TKT: variants seen among roughly 807,000 people sequenced by gnomAD.
TKT encodes the protein epididymis luminal protein 107.
In TKT, 47 loss-of-function variants were observed where a neutral mutation model predicts 63.9. The observed-to-expected ratio is 0.74, with a 90% confidence interval of 0.58 to 0.94. The LOEUF is 0.94. Ranked by LOEUF, TKT falls within the 40% of genes least tolerant of loss-of-function variation. The pLI is 0.00. For missense variants in TKT, 721 were observed against 846.2 expected (o/e 0.85, Z 1.84); for synonymous variants, 338 against 334.1 (o/e 1.01, Z -0.13).
chr3:53,231,142 T>C (rs1265394343), intron 7 of TKT, among the ~76,000 whole-genome samples: 3 of 152,212 alleles, frequency 2.0e-5, no homozygotes, highest in African/African-American at 7.2e-5. Context: ...GCTTGCTAAG[T>C]GGGCAATTCC....
chr3:53,248,579 T>C (rs2106724448), intron 1 of TKT, among the ~76,000 whole-genome samples: 1 of 152,234 alleles, frequency 6.6e-6, no homozygotes, highest in Non-Finnish European at 1.5e-5. Context: ...CAGTGTGCCA[T>C]GACTGTGCCA....
Position 53,230,591 on chromosome 3 carries a change from G to A in TKT, c.973C>T (p.Leu325=). The part of the protein sequence containing the change: ...IATRKAYGQA[L]AKLGHASDRI... The stretch of plus-strand genomic sequence containing the variant: ...TCACTGGCATGGCCCAGCTTGGCCA[G>A]TGCCTGCCCGTAGGCCTTGCGGGTG... The change falls in exon 8 of 14, where the codon CTG becomes TTG. Residue 325 remains leucine (L), a synonymous_variant. Transcript: ENST00000462138. 1 of 1,614,262 alleles carries A rather than the reference G, an allele frequency of 6.2e-7. No homozygotes were observed. The highest frequency in any genetic ancestry group is 8.5e-7 in the Non-Finnish European group (1 of 1,180,050).
At chr3:53,248,429 C>T (rs539387456) in intron 1 of TKT, among the ~76,000 whole-genome samples, 13 of 152,274 alleles carry the variant, frequency 8.5e-5, no homozygotes, top group Admixed American at 2.6e-4. Context: ...GACTTGAGCC[C>T]AGAATTTGAG....
intron 5 of TKT, 167 bp from the exon 6 acceptor site, chr3:53,233,441 T>C: frequency 1.2e-5 from 6 of 510,382 alleles, no homozygotes; most frequent in Non-Finnish European, 2.1e-5. Context: ...GTTTCCAGTT[T>C]GGGTTTTTTA....
At chr3:53,237,122 G>A (rs991504259) in intron 4 of TKT, among the ~76,000 whole-genome samples, 1 of 152,116 alleles carries the variant, frequency 6.6e-6, no homozygotes, top group Non-Finnish European at 1.5e-5. Context: ...AGTGGCTCAC[G>A]CCTGTAATCC....
At chr3:53,235,593 G>C (rs1341125407) in intron 4 of TKT, 1 of 155,786 alleles carries the variant, frequency 6.4e-6, no homozygotes, top group Non-Finnish European at 1.4e-5. Flanking sequence ...GGACTGGCTG[G>C]GTGGGCCAGT....
intron 1 of TKT, among the ~76,000 whole-genome samples, chr3:53,247,611 G>T (rs1446836119): frequency 8.5e-6 from 1 of 117,770 alleles, no homozygotes; most frequent in African/African-American, 3.3e-5. Flanking sequence ...CTGCACTCCA[G>T]CCTAGGCAAC....
intron 4 of TKT, chr3:53,237,875 A>C (rs1705109169): frequency 6.6e-6 from 1 of 152,222 alleles, no homozygotes; most frequent in Admixed American, 6.5e-5. Flanking sequence ...CAGTGGGCCG[A>C]GATCGTACCA....
In TKT at chr3:53,229,082, G is replaced by T; in HGVS notation, c.1320C>A (p.Val440=). Reference sequence around the variant, plus strand: ...TTGGGTAAAAGACAGTTGATGTGGGGACTGACCGAAACATAGCCAGATCTT... The same window carrying T: ...TTGGGTAAAAGACAGTTGATGTGGGTACTGACCGAAACATAGCCAGATCTT... ...ALEDLAMFRS[V]PTSTVFYPSD... is the part of the protein sequence containing the mutation. Residue 440 remains valine (V), a synonymous_variant, in exon 10 of 14, where the codon GTC becomes GTA. Transcript: ENST00000462138. The T allele has an allele frequency of 1.2e-6, 2 of 1,614,162 alleles. No homozygotes were observed. The highest frequency in any genetic ancestry group is 1.7e-6 in the Non-Finnish European group (2 of 1,180,010).
At chr3:53,248,522 A>G (rs572608689) in intron 1 of TKT, among the ~76,000 whole-genome samples, 1 of 152,122 alleles carries the variant, frequency 6.6e-6, no homozygotes, top group Non-Finnish European at 1.5e-5. Flanking sequence ...CCAGCTACTT[A>G]GGAGGCTGAG....
In TKT at chr3:53,240,649, T is replaced by G. The variant is rs2106701563; in HGVS notation, c.340-301A>C. The stretch of plus-strand genomic sequence containing the variant: ...CACAAAGTGCTGGGAGAGAGAATCA[T>G]GAAAAAATTGACAGAACATTTGCCC... On this transcript the variant is annotated intron_variant, in intron 3 of 13. Coordinates refer to ENST00000462138, the MANE Select transcript of TKT (RefSeq NM_001064.4). Among the ~76,000 whole-genome samples, 2 of 152,322 alleles carry G rather than the reference T, an allele frequency of 1.3e-5. 1 individual carries two copies. The highest frequency in any genetic ancestry group is 4.1e-4 in the South Asian group (2 of 4,828).
chr3:53,232,679 C>T (rs1038491163), intron 6 of TKT: 2 of 398,232 alleles, frequency 5.0e-6, no homozygotes, highest in Non-Finnish European at 4.4e-6. Context: ...CCCCCCAAGG[C>T]TCTTGGCCCA....
At chr3:53,249,769 C>CTA (rs1365558258) in intron 1 of TKT, among the ~76,000 whole-genome samples, 1 of 152,184 alleles carries the variant, frequency 6.6e-6, no homozygotes, top group African/African-American at 2.4e-5. Flanking sequence ...CCTCTCTCCC[C>CTA]TACCTTGCCT....
intron 4 of TKT, among the ~76,000 whole-genome samples, chr3:53,238,960 A>G (rs1705153804): frequency 1.3e-5 from 2 of 152,198 alleles, no homozygotes; most frequent in Admixed American, 1.3e-4. Flanking sequence ...CCCCACCCAA[A>G]TCTTACCTTG....
chr3:53,228,210 G>A, intron 11 of TKT, 61 bp from the exon 12 acceptor site: 3 of 1,612,500 alleles, frequency 1.9e-6, no homozygotes, highest in Non-Finnish European at 2.5e-6. Flanking sequence ...TGCCCTGACT[G>A]CTGGGAGTCA....
At chr3:53,236,008 G>A (rs1302974955) in intron 4 of TKT, among the ~76,000 whole-genome samples, 1 of 43,386 alleles carries the variant, frequency 2.3e-5, no homozygotes, top group African/African-American at 5.3e-5. Flanking sequence ...TTGTCTGAAG[G>A]TCGCGCTGTC....
intron 4 of TKT, chr3:53,235,504 G>C (rs1319156683): frequency 5.1e-6 from 1 of 197,268 alleles, no homozygotes; most frequent in African/African-American, 2.3e-5. Flanking sequence ...GGAAAGTGAG[G>C]AAGGGTGGGT....
Position 53,231,475 on chromosome 3 carries a change from T to A in TKT, c.824A>T (p.Tyr275Phe), listed in dbSNP as rs1553677049. ...NMAEQIIQEIYSQIQSKKKIL... is the reference protein window; with the variant it reads ...NMAEQIIQEIFSQIQSKKKIL... ...CTTCTTTTTGCTCTGGATCTGGCTG[T>A]AGATCTCCTGGATGATCTGCTCAGC... Residue 275 changes from tyrosine to phenylalanine, a missense_variant, in exon 7 of 14, where the codon TAC (tyrosine) becomes TTC (phenylalanine). Tyr to Phe is a conservative substitution (Grantham distance 22). Transcript: ENST00000462138. The A allele has an allele frequency of 6.2e-7, 1 of 1,614,216 alleles. No individual in the cohort carries two copies. Among genetic ancestry groups the A allele is most frequent in the South Asian group, 1.1e-5 (1 of 91,086 alleles).
chr3:53,249,173 G>A (rs1559659846), intron 1 of TKT, among the ~76,000 whole-genome samples: 1 of 234 alleles, frequency 4.3e-3, no homozygotes, highest in Non-Finnish European at 0.013. Context: ...GTTTCACCAT[G>A]TTGGCTGGGC....
Sources: gnomAD v4.1 joint callset for allele counts (sites outside exome capture counted in the v4.1 genomes callset) on GRCh38, gnomAD v4.1.1 for gene constraint, MANE v1.5 for transcripts, NCBI Gene and HGNC (gene_info 2026-07-23, HGNC 2026-07-21) for gene names.